TMC1: variants seen among roughly 807,000 people sequenced by gnomAD.
The protein encoded by TMC1 is transmembrane channel like 1, also known as transmembrane channel-like protein 1.
A neutral mutation model predicts 105.8 loss-of-function variants in TMC1; 84 were observed. That is an observed-to-expected ratio of 0.79 (90% CI 0.67 to 0.95). The LOEUF (loss-of-function observed/expected upper bound fraction) is 0.95, where lower values mean the gene tolerates loss of function less well. TMC1 is among the 40% of genes least tolerant of loss of function. TMC1 has a pLI of 0.00. For synonymous variants in TMC1, 315 were observed against 311.5 expected, an observed-to-expected ratio of 1.01 and a Z score of -0.12; for missense variants, 817 against 914.1, an observed-to-expected ratio of 0.89 and a Z score of 1.37.
At chr9:72,667,230 G>T (rs1401653616) in intron 5 of TMC1, among the ~76,000 whole-genome samples, 1 of 152,136 alleles carries the variant, frequency 6.6e-6, no homozygotes, top group Non-Finnish European at 1.5e-5. Flanking sequence ...TCCTCAGTAA[G>T]GTGAGAGTGG....
intron 8 of TMC1, among the ~76,000 whole-genome samples, chr9:72,704,409 G>A (rs1268164795): frequency 1.3e-5 from 2 of 152,164 alleles, no homozygotes; most frequent in African/African-American, 4.8e-5. Context: ...GCAACTTATG[G>A]TTCTGAGGGT....
chr9:72,571,602 ATG>A (rs1353107247), intron 1 of TMC1, among the ~76,000 whole-genome samples: 3 of 151,738 alleles, frequency 2.0e-5, no homozygotes, highest in East Asian at 3.9e-4. Context: ...ATACACCGCC[ATG>A]CCCAGCTAAT....
At chr9:72,824,942 G>T (rs1160354248) in intron 20 of TMC1, among the ~76,000 whole-genome samples, 1 of 152,188 alleles carries the variant, frequency 6.6e-6, no homozygotes, top group Non-Finnish European at 1.5e-5. Context: ...GCTGCCTCCT[G>T]TTGCTATCAG....
intron 2 of TMC1, among the ~76,000 whole-genome samples, chr9:72,599,271 T>G (rs960814422): frequency 5.9e-5 from 9 of 152,156 alleles, no homozygotes; most frequent in African/African-American, 1.7e-4. Flanking sequence ...CCTCAGGTGA[T>G]CTGCCCACCT....
At chr9:72,600,821 T>C (rs888399924) in intron 2 of TMC1, among the ~76,000 whole-genome samples, 3 of 152,222 alleles carry the variant, frequency 2.0e-5, no homozygotes, top group African/African-American at 7.2e-5. Flanking sequence ...ACCAGAATCA[T>C]CATGTGCGCT....
Position 72,607,132 on chromosome 9 carries a change from G to C in TMC1, c.-305-9236G>C, listed in dbSNP as rs547451616. Among the ~76,000 whole-genome samples, 119 of 151,708 alleles carry C rather than the reference G, an allele frequency of 7.8e-4. 1 individual carries two copies. The highest frequency in any genetic ancestry group is 2.8e-3 in the African/African-American group (117 of 41,212). On this transcript the variant is annotated intron_variant, in intron 2 of 23. Coordinates refer to ENST00000297784, the MANE Select transcript of TMC1 (RefSeq NM_138691.3). ...ATGGTGTAATGCCCAATACATTGTA[G>C]ATACTCAATAAATGTTTTTGTATGA...
At chr9:72,747,610 T>G (rs954369492) in intron 10 of TMC1, among the ~76,000 whole-genome samples, 5 of 152,202 alleles carry the variant, frequency 3.3e-5, no homozygotes, top group African/African-American at 1.2e-4. Flanking sequence ...TTGTTTGTTT[T>G]TTGAGACAGA....
intron 18 of TMC1, among the ~76,000 whole-genome samples, chr9:72,810,833 C>T (rs968765497): frequency 6.6e-6 from 1 of 152,102 alleles, no homozygotes; most frequent in East Asian, 1.9e-4. Context: ...GTTGTGATGA[C>T]ATTTAATTAT....
At chr9:72,551,231 G>T (rs1823855994) in intron 1 of TMC1, among the ~76,000 whole-genome samples, 1 of 152,114 alleles carries the variant, frequency 6.6e-6, no homozygotes, top group African/African-American at 2.4e-5. Flanking sequence ...AAAACTGTAA[G>T]ACAATACATT....
In TMC1 at chr9:72,700,507, T is replaced by C. The variant is rs766807584; in HGVS notation, c.237-11T>C. 1.9e-6 allele frequency: 3 copies of C among 1,581,384 alleles called. No individual in the cohort carries two copies. The highest frequency in any genetic ancestry group is 2.6e-6 in the Non-Finnish European group (3 of 1,159,256). ...TAACTTTATTAAGGTGTTTCTTTTT[T>C]ACTTTTAAAGAGAAGAAGAAGAAAT... is the stretch of plus-strand genomic sequence containing the variant. On this transcript the variant is annotated splice_polypyrimidine_tract_variant and intron_variant, in intron 7 of 23. Transcript: ENST00000297784.
intron 5 of TMC1, among the ~76,000 whole-genome samples, chr9:72,672,759 C>T (rs1032506563): frequency 1.5e-4 from 22 of 151,604 alleles, no homozygotes; most frequent in Non-Finnish European, 2.4e-4. Flanking sequence ...AGGCTTGGGG[C>T]TCATGCCTGT....
intron 10 of TMC1, among the ~76,000 whole-genome samples, chr9:72,744,526 G>A (rs563796128): frequency 7.2e-5 from 11 of 152,246 alleles, no homozygotes; most frequent in African/African-American, 2.6e-4. Flanking sequence ...AAGGCCATTT[G>A]GAGCATTACG....
chr9:72,732,613 A>C (rs1173860007), intron 8 of TMC1, among the ~76,000 whole-genome samples: 2 of 151,942 alleles, frequency 1.3e-5, no homozygotes, highest in Non-Finnish European at 2.9e-5. Flanking sequence ...AACTAAAAGC[A>C]TCATTTACCT....
chr9:72,546,484 G>C (rs776724765), intron 1 of TMC1, among the ~76,000 whole-genome samples: 2 of 152,042 alleles, frequency 1.3e-5, no homozygotes, highest in African/African-American at 4.8e-5. Context: ...GTTTTCTTCC[G>C]GTAACGTCAG....
chr9:72,804,544 A>C lies in TMC1; in HGVS notation c.1567-838A>C, dbSNP rs73647824. 3.6e-3 allele frequency among the ~76,000 whole-genome samples: 548 copies of C among 152,338 alleles called. 2 individuals are homozygous for C. The highest frequency in any genetic ancestry group is 0.012 in the African/African-American group (518 of 41,570). ...GTTTTATTTAATTAGTCTCCCAAGC[A>C]TATTCAAATTTTTCCGTTTTTAATC... On this transcript the variant is annotated intron_variant, in intron 17 of 23. Coordinates refer to ENST00000297784, the MANE Select transcript of TMC1 (RefSeq NM_138691.3).
chr9:72,602,600 C>T (rs1221797166), intron 2 of TMC1, among the ~76,000 whole-genome samples: 2 of 151,990 alleles, frequency 1.3e-5, no homozygotes, highest in Non-Finnish European at 2.9e-5. Context: ...ATCTCGAGCT[C>T]CTGACCTCAA....
At chr9:72,558,598 C>T (rs1823985659) in intron 1 of TMC1, among the ~76,000 whole-genome samples, 1 of 152,152 alleles carries the variant, frequency 6.6e-6, no homozygotes, top group Admixed American at 6.6e-5. Flanking sequence ...TTACCACTTG[C>T]CATTTTCTAC....
Position 72,738,413 on chromosome 9 carries a change from CCCT to C in TMC1, c.363-1705_363-1703del, listed in dbSNP as rs1827335665. On this transcript the variant is annotated intron_variant, in intron 8 of 23. Transcript: ENST00000297784. ...TCTTACAGAAAAAATTCCCCACTGACCCTTCTTTTTTTTTTCTTTTTGAAACAG... is the reference window on the plus strand; with the variant it reads ...TCTTACAGAAAAAATTCCCCACTGACTCTTTTTTTTTTCTTTTTGAAACAG... Among the ~76,000 whole-genome samples, 3 of 149,256 alleles carry C rather than the reference CCCT, an allele frequency of 2.0e-5. No individual in the cohort carries two copies. In the South Asian group the frequency reaches 6.3e-4, roughly 31 times the overall value.
intron 4 of TMC1, among the ~76,000 whole-genome samples, chr9:72,635,005 C>T (rs1287049656): frequency 6.6e-6 from 1 of 152,094 alleles, no homozygotes; most frequent in African/African-American, 2.4e-5. Context: ...ACCTGTAATC[C>T]CCGCACATTG....
Sources: allele counts gnomAD v4.1 joint callset (sites outside exome capture counted in the v4.1 genomes callset), GRCh38; gene constraint gnomAD v4.1.1; transcripts MANE v1.5; gene names NCBI Gene and HGNC (gene_info 2026-07-23, HGNC 2026-07-21).